The following ROBO2 variants were observed in gnomAD, a reference collection of about 807,000 sequenced individuals.
ROBO2 encodes the protein roundabout guidance receptor 2, also known as roundabout homolog 2.
In ROBO2, 53 loss-of-function variants were observed where a neutral mutation model predicts 160.8. That is an observed-to-expected ratio of 0.33 (90% CI 0.26 to 0.41). The LOEUF is 0.41. Among genes scored for constraint, ROBO2 ranks in the 10% least tolerant of loss-of-function variants. The pLI is 1.00. For missense variants in ROBO2, 1,577 were observed against 1,722.4 expected, an observed-to-expected ratio of 0.92 and a Z score of 1.49; for synonymous variants, 664 against 611.7, an observed-to-expected ratio of 1.09 and a Z score of -1.26.
At position 76,485,986 on chromosome 3, in the gene ROBO2, G is replaced by A. The variant is rs559377334; in HGVS notation, c.109+548384G>A. 2.6e-5 allele frequency among the ~76,000 whole-genome samples: 4 copies of A among 152,246 alleles called. No homozygotes were observed. In the South Asian group the frequency reaches 6.2e-4, roughly 24 times the overall value. On this transcript the variant is annotated intron_variant, in intron 2 of 26. Transcript: ENST00000487694. ...AATTATATGAGATGTCACTCATAAG[G>A]TTTGGTTTGCACCTCAGTTCAATCA...
intron 1 of ROBO2, among the ~76,000 whole-genome samples, chr3:75,927,283 C>T (rs1947327948): frequency 6.6e-6 from 1 of 152,134 alleles, no homozygotes; most frequent in African/African-American, 2.4e-5. Context: ...TTAAATTTCT[C>T]TGCATTCTTG....
chr3:76,526,814 A>T (rs944922707), intron 2 of ROBO2, among the ~76,000 whole-genome samples: 19 of 152,104 alleles, frequency 1.2e-4, no homozygotes, highest in Admixed American at 1.0e-3. Flanking sequence ...GAATTGAAAG[A>T]TGATGTTATG....
chr3:76,445,763 A>C (rs564591153), intron 2 of ROBO2, among the ~76,000 whole-genome samples: 1 of 152,332 alleles, frequency 6.6e-6, no homozygotes, highest in Admixed American at 6.5e-5. Context: ...GTAATCCAGC[A>C]TATAAACAGA....
At chr3:76,652,831 A>G (rs1010739424) in intron 2 of ROBO2, among the ~76,000 whole-genome samples, 4 of 152,018 alleles carry the variant, frequency 2.6e-5, no homozygotes, top group Non-Finnish European at 5.9e-5. Context: ...GAATAGTACC[A>G]TTAGAAAAAC....
intron 2 of ROBO2, among the ~76,000 whole-genome samples, chr3:76,024,084 GTTTTC>G (rs1440168662): frequency 1.3e-5 from 2 of 151,144 alleles, no homozygotes; most frequent in East Asian, 3.9e-4. Flanking sequence ...TATTCAGAAT[GTTTTC>G]TTTAATTAAA....
At chr3:77,574,717 T>C in exon 14 of ROBO2, 1 of 1,612,358 alleles carries the variant, frequency 6.2e-7, no homozygotes, top group Non-Finnish European at 8.5e-7. Context: ...AAACGGTTCG[T>C]ACTACTGAAG....
At chr3:76,148,054 A>C (rs936467980) in intron 2 of ROBO2, among the ~76,000 whole-genome samples, 1 of 152,032 alleles carries the variant, frequency 6.6e-6, no homozygotes, top group Non-Finnish European at 1.5e-5. Flanking sequence ...AAGCTGGCCT[A>C]ATGATTAATG....
chr3:76,258,324 T>C (rs1484701086), intron 2 of ROBO2, among the ~76,000 whole-genome samples: 1 of 152,056 alleles, frequency 6.6e-6, no homozygotes, highest in Non-Finnish European at 1.5e-5. Flanking sequence ...TAATCCTCAA[T>C]AGCAATACAT....
rs188838900 is a variant in ROBO2, at chr3:76,179,352, C to T, written c.109+241750C>T. 3.3e-3 allele frequency among the ~76,000 whole-genome samples: 507 copies of T among 152,204 alleles called. 3 individuals carry two copies. Among genetic ancestry groups the T allele is most frequent in the Non-Finnish European group, 5.4e-3 (369 of 67,998 alleles). On this transcript the variant is annotated intron_variant, in intron 2 of 26. Coordinates refer to the ROBO2 transcript ENST00000487694. The stretch of plus-strand genomic sequence containing the variant: ...CCCCAAAGGGCATGAATCTTCTTTC[C>T]CATGCCCACTGCAAACCTACCTCTT...
chr3:77,155,646 A>G (rs1008307100), intron 2 of ROBO2, among the ~76,000 whole-genome samples: 2 of 152,032 alleles, frequency 1.3e-5, no homozygotes, highest in Non-Finnish European at 2.9e-5. Context: ...CAGAAAACGA[A>G]TACACATGAT....
chr3:77,283,896 G>A (rs6777103), intron 2 of ROBO2, among the ~76,000 whole-genome samples: 46,436 of 152,048 alleles, frequency 0.31, 8,533 homozygotes, highest in Middle Eastern at 0.45. Context: ...ATGAATCAGA[G>A]CTAATCTAAA....
intron 2 of ROBO2, among the ~76,000 whole-genome samples, chr3:76,201,250 C>A (rs986042192): frequency 6.6e-6 from 1 of 152,088 alleles, no homozygotes; most frequent in African/African-American, 2.4e-5. Flanking sequence ...TCTGAAAATC[C>A]AATTTTTATA....
chr3:76,015,578 GAT>G (rs764527610), intron 2 of ROBO2, among the ~76,000 whole-genome samples: 3 of 152,164 alleles, frequency 2.0e-5, no homozygotes, highest in Admixed American at 6.5e-5. Flanking sequence ...GGCCAGAAAA[GAT>G]AGCAAATTTC....
At chr3:76,960,773 A>G (rs1049161814) in intron 2 of ROBO2, among the ~76,000 whole-genome samples, 1 of 152,198 alleles carries the variant, frequency 6.6e-6, no homozygotes, top group Non-Finnish European at 1.5e-5. Context: ...CTGAATAATT[A>G]TATATGAATG....
chr3:76,627,425 T>A (rs2089725134), intron 2 of ROBO2, among the ~76,000 whole-genome samples: 1 of 152,196 alleles, frequency 6.6e-6, no homozygotes, highest in Non-Finnish European at 1.5e-5. Context: ...ACTGTTTAGC[T>A]GTGCCCCCAG....
intron 9 of ROBO2, among the ~76,000 whole-genome samples, chr3:77,561,672 TC>T (rs780262472): frequency 1.3e-5 from 2 of 152,170 alleles, no homozygotes; most frequent in Admixed American, 6.6e-5. Flanking sequence ...ATATTTATGT[TC>T]CCTTTCAGCT....
At chr3:76,653,692 T>G (rs2091356476) in intron 2 of ROBO2, among the ~76,000 whole-genome samples, 1 of 152,098 alleles carries the variant, frequency 6.6e-6, no homozygotes, top group African/African-American at 2.4e-5. Context: ...ACTTCTCCCT[T>G]TATATGTAAA....
intron 2 of ROBO2, among the ~76,000 whole-genome samples, chr3:76,551,600 C>T (rs1011144347): frequency 1.3e-5 from 2 of 152,074 alleles, no homozygotes; most frequent in African/African-American, 4.8e-5. Flanking sequence ...CTTCAGGGAG[C>T]CCAGACCTAG....
chr3:77,312,092 GA>G (rs201311830), intron 2 of ROBO2, among the ~76,000 whole-genome samples: 3 of 149,220 alleles, frequency 2.0e-5, no homozygotes, highest in African/African-American at 4.9e-5. Flanking sequence ...TCTCAAAAAA[GA>G]AAAAAAAATG....
Sources: gnomAD v4.1 joint callset for allele counts (sites outside exome capture counted in the v4.1 genomes callset) on GRCh38, gnomAD v4.1.1 for gene constraint, MANE v1.5 for transcripts, NCBI Gene and HGNC (gene_info 2026-07-23, HGNC 2026-07-21) for gene names.